NRXN3: variants seen among roughly 807,000 people sequenced by gnomAD.
NRXN3 encodes neurexin 3, also known as neurexin III.
Under a neutral mutation model 137.6 loss-of-function variants are expected in NRXN3, and 32 were observed. That is an observed-to-expected ratio of 0.23 (90% CI 0.18 to 0.31). The LOEUF (loss-of-function observed/expected upper bound fraction) is 0.31, where lower values mean the gene tolerates loss of function less well. Ranked by LOEUF, NRXN3 falls within the 10% of genes least tolerant of loss-of-function variation. The probability of loss-of-function intolerance (pLI) is 1.00; values close to 1 mark genes in which losing one functional copy is unlikely to be tolerated. For missense variants in NRXN3, 1,574 were observed against 2,062.5 expected (o/e 0.76, Z 4.59); for synonymous variants, 798 against 784.5 (o/e 1.02, Z -0.29).
chr14:78,541,361 A>T (rs918286351), intron 4 of NRXN3, among the ~76,000 whole-genome samples: 5 of 152,056 alleles, frequency 3.3e-5, no homozygotes, highest in African/African-American at 1.2e-4. Flanking sequence ...TATTTCATTA[A>T]TTTGATCTTC....
rs546385554 is a variant in NRXN3 at position 78,927,150 on chromosome 14, C to CTCTTGAGAAAA, written c.2276-30092_2276-30091insTCTTGAGAAAA. 7.3e-3 allele frequency among the ~76,000 whole-genome samples: 815 copies of CTCTTGAGAAAA among 111,674 alleles called. 33 individuals are homozygous for CTCTTGAGAAAA. The highest frequency in any genetic ancestry group is 0.024 in the African/African-American group (712 of 29,214). The allele number at this position is 111,674 out of a possible 152,430, so 73.3% of individuals were successfully genotyped here. A position where few individuals can be genotyped will look rare whatever the true frequency, so the allele number is the denominator to read the frequency against. The stretch of plus-strand genomic sequence containing the variant: ...GGCCTAAGTGTTGGAGTGAGACCCT[C>CTCTTGAGAAAA]AAAAAAAAAAAAAAAGTTTTTTTCA... On this transcript the variant is annotated intron_variant, in intron 10 of 20. Transcript: ENST00000335750.
intron 15 of NRXN3, among the ~76,000 whole-genome samples, chr14:79,441,321 G>A (rs1600332633): frequency 7.1e-6 from 1 of 139,932 alleles, no homozygotes; most frequent in African/African-American, 2.7e-5. Context: ...ATAAACAGCT[G>A]TCCAAACAAA....
At chr14:78,748,439 T>A (rs997427586) in intron 8 of NRXN3, among the ~76,000 whole-genome samples, 1 of 151,984 alleles carries the variant, frequency 6.6e-6, no homozygotes, top group Non-Finnish European at 1.5e-5. Context: ...GTAGGAAATG[T>A]GGGGAAGGGT....
At chr14:78,520,918 C>A (rs1038703281) in intron 4 of NRXN3, among the ~76,000 whole-genome samples, 2 of 152,160 alleles carry the variant, frequency 1.3e-5, no homozygotes, top group Non-Finnish European at 2.9e-5. Context: ...AAGTTAATAT[C>A]TTTCTTTTTA....
At chr14:79,465,336 C>T (rs991829111) in intron 15 of NRXN3, among the ~76,000 whole-genome samples, 1 of 152,154 alleles carries the variant, frequency 6.6e-6, no homozygotes, top group Non-Finnish European at 1.5e-5. Flanking sequence ...ACTTTGCATA[C>T]CACAATTCCA....
chr14:78,302,978 G>A (rs932870021), intron 4 of NRXN3, among the ~76,000 whole-genome samples: 1 of 152,150 alleles, frequency 6.6e-6, no homozygotes, highest in Non-Finnish European at 1.5e-5. Flanking sequence ...TCCAGTGGTT[G>A]AGAATTGCTT....
intron 15 of NRXN3, among the ~76,000 whole-genome samples, chr14:79,147,726 G>A (rs551112413): frequency 1.3e-5 from 2 of 152,160 alleles, no homozygotes; most frequent in Non-Finnish European, 2.9e-5. Flanking sequence ...CAACAGTGGG[G>A]TCCTTTTTGA....
At chr14:78,738,849 A>G (rs1180519965) in intron 8 of NRXN3, among the ~76,000 whole-genome samples, 1 of 152,232 alleles carries the variant, frequency 6.6e-6, no homozygotes, top group East Asian at 1.9e-4. Context: ...AGATGGAAGA[A>G]TGATTTTTGA....
intron 10 of NRXN3, among the ~76,000 whole-genome samples, chr14:78,851,557 T>G (rs2099042732): frequency 6.6e-6 from 1 of 152,192 alleles, no homozygotes; most frequent in African/African-American, 2.4e-5. Flanking sequence ...GGTAAAACTT[T>G]CAGCAAGAAG....
chr14:78,587,048 TG>T (rs1432722612), intron 4 of NRXN3, among the ~76,000 whole-genome samples: 1 of 152,176 alleles, frequency 6.6e-6, no homozygotes, highest in Admixed American at 6.5e-5. Context: ...TTAGATTTAC[TG>T]GGGCTTCTCT....
intron 10 of NRXN3, among the ~76,000 whole-genome samples, chr14:78,825,716 T>C (rs2098964717): frequency 6.6e-6 from 1 of 152,252 alleles, no homozygotes; most frequent in Non-Finnish European, 1.5e-5. Context: ...TTGTAAAATG[T>C]TTCATAGGAG....
At chr14:78,499,835 C>T (rs934161608) in intron 4 of NRXN3, among the ~76,000 whole-genome samples, 3 of 152,132 alleles carry the variant, frequency 2.0e-5, no homozygotes, top group Admixed American at 2.0e-4. Flanking sequence ...TGGGCTTTCC[C>T]ATCATGGCAG....
chr14:79,245,417 T>G (rs1404635959), intron 15 of NRXN3, among the ~76,000 whole-genome samples: 7 of 143,026 alleles, frequency 4.9e-5, no homozygotes, highest in Non-Finnish European at 7.7e-5. Flanking sequence ...AAGAGAGGAG[T>G]AGGGAGAGAG....
chr14:79,841,384 C>T (rs2205220), intron 20 of NRXN3, among the ~76,000 whole-genome samples: 136,206 of 152,174 alleles, frequency 0.9, 61,076 homozygotes, highest in East Asian at 1. Flanking sequence ...TACCACCCAA[C>T]GGGATCCCAG....
chr14:79,284,384 A>G (rs971200336), intron 15 of NRXN3, among the ~76,000 whole-genome samples: 5 of 114,288 alleles, frequency 4.4e-5, no homozygotes, highest in South Asian at 6.3e-4. Flanking sequence ...ATATATATAT[A>G]TGTATCTCCA....
intron 15 of NRXN3, among the ~76,000 whole-genome samples, chr14:79,125,583 T>C (rs1406901910): frequency 6.6e-6 from 1 of 152,182 alleles, no homozygotes; most frequent in African/African-American, 2.4e-5. Flanking sequence ...CACCACTGGA[T>C]TGTTGCAATG....
chr14:79,493,745 G>A (rs924113763), intron 16 of NRXN3, among the ~76,000 whole-genome samples: 5 of 152,228 alleles, frequency 3.3e-5, no homozygotes, highest in Middle Eastern at 3.4e-3. Context: ...AAGCCTCTTC[G>A]TACCTTGAAA....
At chr14:78,881,513 A>G (rs2099129089) in intron 10 of NRXN3, among the ~76,000 whole-genome samples, 2 of 151,650 alleles carry the variant, frequency 1.3e-5, no homozygotes. Context: ...GACTCTTGCT[A>G]TGCTCTAAAA....
intron 15 of NRXN3, among the ~76,000 whole-genome samples, chr14:79,024,661 T>C (rs1387861985): frequency 2.6e-5 from 4 of 152,136 alleles, no homozygotes; most frequent in African/African-American, 7.2e-5. Flanking sequence ...CACATGATAA[T>C]GATGGCCTTT....
Sources: gnomAD v4.1 joint callset for allele counts (sites outside exome capture counted in the v4.1 genomes callset) on GRCh38, gnomAD v4.1.1 for gene constraint, MANE v1.5 for transcripts, NCBI Gene and HGNC (gene_info 2026-07-23, HGNC 2026-07-21) for gene names.